COL20A1: variants seen among roughly 807,000 people sequenced by gnomAD.
COL20A1 encodes the protein collagen alpha-1(XX) chain.
In COL20A1, 164 loss-of-function variants were observed where a neutral mutation model predicts 152.9. The ratio of observed to expected loss-of-function variants is 1.07; its 90% CI spans 0.94 to 1.22. The LOEUF (loss-of-function observed/expected upper bound fraction) is 1.22. COL20A1 is among the 50% of genes most tolerant of loss of function. COL20A1 has a pLI of 0.00. For synonymous variants in COL20A1, 864 were observed against 756.0 expected, an observed-to-expected ratio of 1.14 and a Z score of -2.34; for missense variants, 1,873 against 1,744.8, an observed-to-expected ratio of 1.07 and a Z score of -1.31.
rs765305506 is a variant in COL20A1 at position 63,320,074 on chromosome 20, C to T, written c.2952C>T (p.Leu984=). ...CTGTGGGCCGCTCCAAGGTCAGGCT[C>T]TATGTGGACTGCCGGAAGGTGGCTG... ...HVAVGRSKVR[L]YVDCRKVAER... Residue 984 remains leucine (L), a synonymous_variant, in exon 24 of 36, where the codon CTC becomes CTT. Coordinates refer to ENST00000358894, the MANE Select transcript of COL20A1 (RefSeq NM_020882.4). The T allele has an allele frequency of 1.3e-6, 2 of 1,555,494 alleles. No homozygotes were observed. Among genetic ancestry groups the T allele is most frequent in the Non-Finnish European group, 1.7e-6 (2 of 1,150,392 alleles).
intron 8 of COL20A1, 59 bp from the exon 9 acceptor site, chr20:63,309,274 A>G: frequency 1.5e-6 from 2 of 1,320,256 alleles, no homozygotes; most frequent in Non-Finnish European, 2.0e-6. Flanking sequence ...CCCCCACCGC[A>G]GGTGGCCCCG....
rs1179992142 is a variant in COL20A1, at chr20:63,313,645, C to A, written c.2210-98C>A. On this transcript the variant is annotated intron_variant, in intron 17 of 35. Transcript: ENST00000358894. The surrounding 1 kb of genome is among the most constrained non-coding windows in gnomAD (Gnocchi z 5.9). ...GTGGCATGATGTGGTGGAGGCATTACGCAGAGCAGGGTAGGGGCTGGGCAG... is the reference window on the plus strand; with the variant it reads ...GTGGCATGATGTGGTGGAGGCATTAAGCAGAGCAGGGTAGGGGCTGGGCAG... 9 of 1,205,656 alleles carry A rather than the reference C, an allele frequency of 7.5e-6. No homozygotes were observed. The highest frequency in any genetic ancestry group is 6.8e-6 in the Non-Finnish European group (6 of 883,426). The allele number at this position is 1,205,656 out of a possible 1,614,324, so 74.7% of individuals were successfully genotyped here. A position where few individuals can be genotyped will look rare whatever the true frequency, so the allele number is the denominator to read the frequency against.
intron 1 of COL20A1, among the ~76,000 whole-genome samples, chr20:63,293,758 C>T (rs188944534): frequency 2.5e-4 from 38 of 152,048 alleles, no homozygotes; most frequent in African/African-American, 6.0e-4. Flanking sequence ...TGCCCTTGGC[C>T]GGCCGGGCGG....
Position 63,312,275 on chromosome 20 carries a change from C to G in COL20A1, c.1804-145C>G, listed in dbSNP as rs532232780. Reference sequence around the variant, plus strand: ...AGCCGTCCTGCAGTTCTGTTGCCCTCCCATCCCTCAGGACAAGCCCATTTT... The same window carrying G: ...AGCCGTCCTGCAGTTCTGTTGCCCTGCCATCCCTCAGGACAAGCCCATTTT... On this transcript the variant is annotated intron_variant, in intron 14 of 35. Coordinates refer to ENST00000358894, the MANE Select transcript of COL20A1 (RefSeq NM_020882.4). The G allele has an allele frequency of 6.7e-5, 76 of 1,140,758 alleles. No homozygotes were observed. The African/African-American group carries it at 1.1e-3, about 16-fold the overall frequency. The allele number at this position is 1,140,758 out of a possible 1,614,324, so 70.7% of individuals were successfully genotyped here.
At chr20:63,322,545 C>T (rs897714933) in intron 27 of COL20A1, among the ~76,000 whole-genome samples, 16 of 152,336 alleles carry the variant, frequency 1.1e-4, no homozygotes, top group African/African-American at 3.4e-4. Context: ...TCAGATGTCT[C>T]TAGGCTCAGC....
At chr20:63,302,002 A>G (rs1158536388) in intron 3 of COL20A1, among the ~76,000 whole-genome samples, 1 of 152,054 alleles carries the variant, frequency 6.6e-6, no homozygotes, top group South Asian at 2.1e-4. Flanking sequence ...TGATTTTTCA[A>G]TGGAAAAATT....
Position 63,326,742 on chromosome 20 carries a change from G to A in COL20A1, c.3457-10G>A. On this transcript the variant is annotated splice_polypyrimidine_tract_variant and intron_variant, in intron 30 of 35. Transcript: ENST00000358894. The stretch of plus-strand genomic sequence containing the variant: ...GCCCAAGCCAAACCCTGACTTCTGT[G>A]TCTATGCAGGGGTTCCAGGGCATGG... 6.9e-7 allele frequency: 1 copy of A among 1,445,896 alleles called. No homozygotes were observed. Among genetic ancestry groups the A allele is most frequent in the African/African-American group, 1.5e-5 (1 of 67,000 alleles). The allele number at this position is 1,445,896 out of a possible 1,614,324, so 89.6% of individuals were successfully genotyped here. A position where few individuals can be genotyped will look rare whatever the true frequency, so the allele number is the denominator to read the frequency against.
At position 63,294,967 on chromosome 20, in the gene COL20A1, A is replaced by G. The variant is rs925302797; in HGVS notation, c.-10-131A>G. 9.7e-6 allele frequency: 6 copies of G among 621,292 alleles called. No individual in the cohort carries two copies. In the Admixed American group the frequency reaches 1.2e-4, roughly 12 times the overall value. 38.5% of individuals were successfully genotyped at this position (621,292 alleles called of 1,614,324 possible). A position where few individuals can be genotyped will look rare whatever the true frequency, so the allele number is the denominator to read the frequency against. On this transcript the variant is annotated intron_variant, in intron 1 of 35. Coordinates refer to ENST00000358894, the MANE Select transcript of COL20A1 (RefSeq NM_020882.4). ...GGTTGCAGGCCTCTGGTCCTCACAC[A>G]TGTGAGGGGTGGAGCCCGGTGTGGG...
At position 63,333,065 on chromosome 20, in the gene COL20A1, G is replaced by T. The variant is rs76915687; in HGVS notation, c.*2349G>T. 0.02 allele frequency: 3,012 copies of T among 152,376 alleles called. 95 individuals carry two copies. Among genetic ancestry groups the T allele is most frequent in the Admixed American group, 0.082 (1,250 of 15,300 alleles). 9.4% of individuals were successfully genotyped at this position (152,376 alleles called of 1,614,324 possible). A position where few individuals can be genotyped will look rare whatever the true frequency, so the allele number is the denominator to read the frequency against. Reference sequence around the variant, plus strand: ...GGACTGAGCCGGGGCTCACGCTCCTGGCCAGAGCGCTGGGTTTCTGGCAAT... The same window carrying T: ...GGACTGAGCCGGGGCTCACGCTCCTTGCCAGAGCGCTGGGTTTCTGGCAAT... On this transcript the variant is annotated 3_prime_UTR_variant, in exon 36 of 36. Transcript: ENST00000358894.
In COL20A1 at chr20:63,311,369, A is replaced by G. The variant is rs1453725085; in HGVS notation, c.1394-25A>G. 6.4e-7 allele frequency: 1 copy of G among 1,563,654 alleles called. No homozygotes were observed. The highest frequency in any genetic ancestry group is 1.2e-5 in the South Asian group (1 of 85,298). On this transcript the variant is annotated intron_variant, in intron 11 of 35. Coordinates refer to ENST00000358894, the MANE Select transcript of COL20A1 (RefSeq NM_020882.4). The surrounding 1 kb of genome is among the most constrained non-coding windows in gnomAD (Gnocchi z 4.4). Reference sequence around the variant, plus strand: ...GTGATCTCTGTGTGGGCTCCTTCCTAAAGTGTCCCTGCATGGCCCCCCAGC... The same window carrying G: ...GTGATCTCTGTGTGGGCTCCTTCCTGAAGTGTCCCTGCATGGCCCCCCAGC...
At chr20:63,325,970 C>A (rs2068240913) in intron 29 of COL20A1, 126 bp from the exon 30 acceptor site, 2 of 869,280 alleles carry the variant, frequency 2.3e-6, no homozygotes, top group South Asian at 3.1e-5. Flanking sequence ...AGCCTGGCAG[C>A]CTCAGCTGCC....
intron 6 of COL20A1, 149 bp downstream of exon 6, chr20:63,307,797 G>T: frequency 8.4e-7 from 1 of 1,196,028 alleles, no homozygotes; most frequent in African/African-American, 1.5e-5. Flanking sequence ...GGTGTTCTGG[G>T]GACCCCTCCG....
chr20:63,311,424 T>G lies in COL20A1; in HGVS notation c.1424T>G (p.Leu475Arg). The G allele has an allele frequency of 6.3e-7, 1 of 1,577,670 alleles. No homozygotes were observed. Among genetic ancestry groups the G allele is most frequent in the East Asian group, 2.3e-5 (1 of 42,934 alleles). ...CTGCCTCCGCCCCGGGCGCTGACCC[T>G]GGCCGCAGTGACGCCCAGAACCGTC... ...APLPPPRALT[L>R]AAVTPRTVHL... Residue 475 changes from leucine (L) to arginine (R), a missense_variant, in exon 12 of 36, where the codon CTG becomes CGG. Transcript: ENST00000358894. The surrounding 1 kb of genome is among the most constrained non-coding windows in gnomAD (Gnocchi z 4.4).
chr20:63,315,441 TG>T lies in COL20A1; in HGVS notation c.2524+5del. 1 of 1,573,474 alleles carries T rather than the reference TG, an allele frequency of 6.4e-7. No individual in the cohort carries two copies. The highest frequency in any genetic ancestry group is 8.6e-7 in the Non-Finnish European group (1 of 1,164,628). On this transcript the variant is annotated splice_donor_region_variant and intron_variant, in intron 20 of 35. Transcript: ENST00000358894. Reference sequence around the variant, plus strand: ...TCCGCCCTGACGGCTCCCTCCCAGGTGGGTCCTGCATGCCCTCCCCTGCCTG... The same window carrying T: ...TCCGCCCTGACGGCTCCCTCCCAGGTGGTCCTGCATGCCCTCCCCTGCCTG...
At position 63,315,430 on chromosome 20, in the gene COL20A1, TC is replaced by T; in HGVS notation, c.2518del (p.Leu840SerfsTer6). 1 of 1,578,824 alleles carries T rather than the reference TC, an allele frequency of 6.3e-7. No individual in the cohort carries two copies. Among genetic ancestry groups the T allele is most frequent in the Admixed American group, 1.8e-5 (1 of 56,358 alleles). ...TACPALRPDG[S>X]LPGFDLMVAF... ...CTGCCCAGCCCTCCGCCCTGACGGC[TC>T]CCTCCCAGGTGGGTCCTGCATGCCC... is the stretch of plus-strand genomic sequence containing the variant. On this transcript the variant is annotated frameshift_variant, in exon 20 of 36. Coordinates refer to ENST00000358894, the MANE Select transcript of COL20A1 (RefSeq NM_020882.4). LOFTEE classifies it high-confidence loss of function.
intron 29 of COL20A1, 62 bp downstream of exon 29, chr20:63,325,783 G>T: frequency 4.7e-6 from 7 of 1,481,600 alleles, no homozygotes; most frequent in Admixed American, 1.8e-5. Context: ...GGGACGGGGG[G>T]CCTTGGAGAT....
At chr20:63,309,231 G>A (rs2067970384) in intron 8 of COL20A1, 102 bp from the exon 9 acceptor site, 3 of 940,612 alleles carry the variant, frequency 3.2e-6, no homozygotes, top group Admixed American at 3.6e-5. Context: ...CAGCCCATAG[G>A]CCTCTTTACT....
Position 63,295,162 on chromosome 20 carries a change from G to A in COL20A1, c.55G>A (p.Ala19Thr), listed in dbSNP as rs763922288. Residue 19 changes from alanine to threonine, a missense_variant, in exon 2 of 36, where the codon GCC becomes ACC. By Grantham distance (58) the Ala-to-Thr change is moderately conservative (BLOSUM62 0). Coordinates refer to ENST00000358894, the MANE Select transcript of COL20A1 (RefSeq NM_020882.4). ...CCTCTGCCTCTGGCTGTGGCTGGGC[G>A]CCACCCTGGGAAGAGAGCAAGTTCA... ...LGLCLWLWLG[A>T]TLGREQVQAS... The A allele has an allele frequency of 7.7e-6, 12 of 1,555,078 alleles. No homozygotes were observed. Among genetic ancestry groups the A allele is most frequent in the Admixed American group, 5.8e-5 (3 of 51,624 alleles).
In COL20A1 at chr20:63,312,042, G is replaced by A. The variant is rs201868354; in HGVS notation, c.1790G>A (p.Gly597Glu). 3.8e-6 allele frequency: 6 copies of A among 1,585,396 alleles called. No individual in the cohort carries two copies. In the African/African-American group the frequency reaches 5.4e-5, roughly 14 times the overall value. Residue 597 changes from glycine to glutamate, a missense_variant, in exon 14 of 36, where the codon GGA becomes GAA. Gly to Glu is a moderately conservative substitution (Grantham distance 98, BLOSUM62 -2). Transcript: ENST00000358894. ...VRVTYVSSEG[G>E]HSGQTEAPGN... ...GTCACCTATGTGTCCAGCGAGGGTG[G>A]ACACTCGGGGCAGGTGAGAGCAGAG...
Sources: allele counts gnomAD v4.1 joint callset (sites outside exome capture counted in the v4.1 genomes callset), GRCh38; gene constraint gnomAD v4.1.1; non-coding constraint Gnocchi (gnomAD v3.1); transcripts MANE v1.5; gene names NCBI Gene and HGNC (gene_info 2026-07-23, HGNC 2026-07-21).